DLC1: variants seen among roughly 807,000 people sequenced by gnomAD.
DLC1 encodes DLC1 Rho GTPase activating protein.
Under a neutral mutation model 140.3 loss-of-function variants are expected in DLC1, and 54 were observed. That is an observed-to-expected ratio of 0.38 (90% CI 0.31 to 0.48). The LOEUF is 0.48. DLC1 is among the 20% of genes least tolerant of loss of function. The pLI is 0.96. For missense variants in DLC1, 2,536 were observed against 1,907.0 expected, an observed-to-expected ratio of 1.33 and a Z score of -6.14; for synonymous variants, 986 against 728.1, an observed-to-expected ratio of 1.35 and a Z score of -5.70.
At chr8:13,245,192 A>G (rs1467945295) in intron 5 of DLC1, among the ~76,000 whole-genome samples, 1 of 152,222 alleles carries the variant, frequency 6.6e-6, no homozygotes, top group East Asian at 1.9e-4. Flanking sequence ...GAGGAAGCCC[A>G]GGCTATAGGA....
In DLC1 at chr8:13,290,971, C is replaced by CG. The variant is rs1049093098; in HGVS notation, c.1348+14297dup. On this transcript the variant is annotated intron_variant, in intron 5 of 17. Transcript: ENST00000276297. ...CTGCCCAGGCTGGAGTGCAATGGCG[C>CG]GATCTTGGCTCCCTGCAACCTCTGC... is the stretch of plus-strand genomic sequence containing the variant. Among the ~76,000 whole-genome samples the CG allele has an allele frequency of 1.6e-3, 249 of 152,208 alleles. 3 individuals are homozygous for CG. The highest frequency in any genetic ancestry group is 1.4e-3 in the Non-Finnish European group (94 of 68,012).
intron 5 of DLC1, among the ~76,000 whole-genome samples, chr8:13,238,300 C>G (rs1229725760): frequency 6.6e-6 from 1 of 152,154 alleles, no homozygotes; most frequent in Non-Finnish European, 1.5e-5. Context: ...CCTTCCTCTT[C>G]AAATGTTCAA....
chr8:13,591,302 T>C (rs1393240551), intron 1 of DLC1, among the ~76,000 whole-genome samples: 2 of 152,088 alleles, frequency 1.3e-5, no homozygotes, highest in African/African-American at 4.8e-5. Context: ...TCCCCACATA[T>C]CATGGGAGGG....
In DLC1 at chr8:13,083,630, G is replaced by A. The variant is rs919161188; in HGVS notation, c.*2181C>T. 9 of 152,608 alleles carry A rather than the reference G, an allele frequency of 5.9e-5. No individual in the cohort carries two copies. Among genetic ancestry groups the A allele is most frequent in the African/African-American group, 1.4e-4 (6 of 41,428 alleles). The allele number at this position is 152,608 out of a possible 1,614,324, so 9.5% of individuals were successfully genotyped here. A position where few individuals can be genotyped will look rare whatever the true frequency, so the allele number is the denominator to read the frequency against. ...GGCATTCACTGGTGACCCTGACTCT[G>A]CTTGCAAGCATCTTTCTGCTGTTGC... On this transcript the variant is annotated 3_prime_UTR_variant, in exon 18 of 18. Coordinates refer to ENST00000276297, the MANE Select transcript of DLC1 (RefSeq NM_182643.3).
chr8:13,604,311 G>T (rs975945389), intron 1 of DLC1, among the ~76,000 whole-genome samples: 11 of 152,122 alleles, frequency 7.2e-5, no homozygotes, highest in African/African-American at 2.7e-4. Flanking sequence ...ATTTTTGGAT[G>T]AATATAGTTT....
intron 5 of DLC1, among the ~76,000 whole-genome samples, chr8:13,168,982 T>C (rs1825283917): frequency 6.6e-6 from 1 of 152,212 alleles, no homozygotes; most frequent in South Asian, 2.1e-4. Context: ...CTTTGCATTG[T>C]AGAAAAGGTC....
chr8:13,386,377 C>T (rs975423514), intron 4 of DLC1, among the ~76,000 whole-genome samples: 12 of 151,924 alleles, frequency 7.9e-5, no homozygotes, highest in African/African-American at 2.9e-4. Flanking sequence ...TTTGCCAGCC[C>T]CCAAAATTAT....
intron 5 of DLC1, among the ~76,000 whole-genome samples, chr8:13,205,199 T>G (rs1265814326): frequency 6.6e-6 from 1 of 152,194 alleles, no homozygotes; most frequent in Admixed American, 6.5e-5. Flanking sequence ...CATTTGCACC[T>G]GTAAGAATAG....
chr8:13,092,647 A>G lies in DLC1; in HGVS notation c.3705T>C (p.His1235=), dbSNP rs773154664. ...LAVCLAPSLF[H]LNTLKRENSS... is the part of the protein sequence containing the mutation. ...AATTCTCTCTCTTCAGGGTGTTGAGATGGAAGAGGGAAGGCGCTAAGCACA... is the reference window on the plus strand; with the variant it reads ...AATTCTCTCTCTTCAGGGTGTTGAGGTGGAAGAGGGAAGGCGCTAAGCACA... The change falls in exon 13 of 18, where the codon CAT becomes CAC. Residue 1235 remains histidine, a synonymous_variant. Coordinates refer to ENST00000276297, the MANE Select transcript of DLC1 (RefSeq NM_182643.3). 3.7e-6 allele frequency: 6 copies of G among 1,613,984 alleles called. No homozygotes were observed. In the African/African-American group the frequency reaches 6.7e-5, roughly 18 times the overall value.
chr8:13,182,272 C>T (rs1826085759), intron 5 of DLC1, among the ~76,000 whole-genome samples: 1 of 151,770 alleles, frequency 6.6e-6, no homozygotes, highest in South Asian at 2.1e-4. Flanking sequence ...CTGTAGGTTG[C>T]CTATTCACTC....
intron 2 of DLC1, among the ~76,000 whole-genome samples, chr8:13,425,347 C>T (rs539033548): frequency 9.9e-5 from 15 of 152,194 alleles, no homozygotes; most frequent in African/African-American, 3.4e-4. Context: ...TGTGGCAGGG[C>T]AAGAAAATGG....
chr8:13,126,614 T>C (rs1292567397), intron 5 of DLC1, among the ~76,000 whole-genome samples: 2 of 152,248 alleles, frequency 1.3e-5, no homozygotes. Flanking sequence ...ATGAAGCACG[T>C]GTTTTAAGAT....
chr8:13,168,394 C>T (rs1036846274), intron 5 of DLC1, among the ~76,000 whole-genome samples: 1 of 152,124 alleles, frequency 6.6e-6, no homozygotes, highest in African/African-American at 2.4e-5. Flanking sequence ...CTCATATCAT[C>T]ATGTGTCTGA....
At chr8:13,091,597 C>G (rs1818081561) in intron 13 of DLC1, among the ~76,000 whole-genome samples, 165 bp from the exon 14 acceptor site, 1 of 152,140 alleles carries the variant, frequency 6.6e-6, no homozygotes, top group Admixed American at 6.5e-5. Context: ...CAGAGTATCT[C>G]AGAGTTTTGT....
chr8:13,531,616 G>A (rs934885430), intron 1 of DLC1, among the ~76,000 whole-genome samples: 11 of 151,924 alleles, frequency 7.2e-5, no homozygotes, highest in African/African-American at 2.7e-4. Flanking sequence ...CTTAATACTA[G>A]CAACTCAATG....
intron 5 of DLC1, among the ~76,000 whole-genome samples, chr8:13,240,315 C>T (rs1380649306): frequency 1.3e-5 from 2 of 152,188 alleles, no homozygotes; most frequent in South Asian, 2.1e-4. Context: ...AGGAACATAA[C>T]AATGAAACGT....
chr8:13,256,433 G>A (rs982414206), intron 5 of DLC1, among the ~76,000 whole-genome samples: 2 of 152,128 alleles, frequency 1.3e-5, no homozygotes, highest in African/African-American at 4.8e-5. Context: ...TATGTTTATT[G>A]CAACACTATT....
At chr8:13,235,557 C>G (rs1181014679) in intron 5 of DLC1, among the ~76,000 whole-genome samples, 1 of 151,926 alleles carries the variant, frequency 6.6e-6, no homozygotes, top group Admixed American at 6.6e-5. Flanking sequence ...TTTTCTTGTA[C>G]AAATGAAAAC....
chr8:13,284,291 C>T (rs1362453699), intron 5 of DLC1, among the ~76,000 whole-genome samples: 1 of 152,158 alleles, frequency 6.6e-6, no homozygotes, highest in African/African-American at 2.4e-5. Context: ...CTTTGGGAGG[C>T]CAAGGCGAGT....
Sources: gnomAD v4.1 joint callset for allele counts (sites outside exome capture counted in the v4.1 genomes callset) on GRCh38, gnomAD v4.1.1 for gene constraint, MANE v1.5 for transcripts, NCBI Gene and HGNC (gene_info 2026-07-23, HGNC 2026-07-21) for gene names.